ITGBL1: variants seen among roughly 807,000 people sequenced by gnomAD.
ITGBL1 encodes the protein integrin beta-like protein 1.
A neutral mutation model predicts 68.5 loss-of-function variants in ITGBL1; 51 were observed. The observed-to-expected ratio is 0.74, with a 90% CI of 0.59 to 0.94. The LOEUF is 0.94. Ranked by LOEUF, ITGBL1 falls within the 40% of genes least tolerant of loss-of-function variation. ITGBL1 has a pLI of 0.00. For synonymous variants in ITGBL1, 209 were observed against 227.3 expected (o/e 0.92, Z 0.72); for missense variants, 649 against 647.4 (o/e 1.00, Z -0.03).
chr13:101,690,510 C>G (rs779807145), intron 7 of ITGBL1, among the ~76,000 whole-genome samples: 2 of 152,168 alleles, frequency 1.3e-5, no homozygotes, highest in Non-Finnish European at 2.9e-5. Context: ...CTTCCCACAT[C>G]TGTGTGTGAA....
intron 7 of ITGBL1, among the ~76,000 whole-genome samples, chr13:101,609,064 G>T (rs2031006854): frequency 6.6e-6 from 1 of 151,882 alleles, no homozygotes; most frequent in Non-Finnish European, 1.5e-5. Context: ...CCACTATTAT[G>T]GGTTGTATAT....
At chr13:101,624,949 T>C (rs1183494945) in intron 7 of ITGBL1, among the ~76,000 whole-genome samples, 3 of 152,198 alleles carry the variant, frequency 2.0e-5, no homozygotes, top group African/African-American at 7.2e-5. Context: ...GCGGTACAGC[T>C]TTCCATGGAG....
At chr13:101,621,883 A>G (rs2031598589) in intron 7 of ITGBL1, among the ~76,000 whole-genome samples, 1 of 152,166 alleles carries the variant, frequency 6.6e-6, no homozygotes, top group African/African-American at 2.4e-5. Context: ...GGATCAGACA[A>G]GGAAATAAGC....
chr13:101,489,116 G>A (rs781680693), intron 2 of ITGBL1, among the ~76,000 whole-genome samples: 5 of 152,188 alleles, frequency 3.3e-5, no homozygotes, highest in Admixed American at 6.5e-5. Flanking sequence ...ACTGTAATGA[G>A]TGGCTAGATT....
chr13:101,632,728 T>C (rs2032027656), intron 7 of ITGBL1, among the ~76,000 whole-genome samples: 1 of 152,238 alleles, frequency 6.6e-6, no homozygotes, highest in South Asian at 2.1e-4. Flanking sequence ...GGGTGAAAGA[T>C]ACACATTTTC....
In ITGBL1 at chr13:101,567,693, C is replaced by T; in HGVS notation, c.317-6C>T. 1 of 1,612,028 alleles carries T rather than the reference C, an allele frequency of 6.2e-7. No individual in the cohort carries two copies. The highest frequency in any genetic ancestry group is 8.5e-7 in the Non-Finnish European group (1 of 1,178,844). ...TGAGTCTGACTAGATGTTGTTCAAT[C>T]CCCAGGCCATGGTAAGTGTGACTGT... On this transcript the variant is annotated splice_region_variant and splice_polypyrimidine_tract_variant and intron_variant, in intron 2 of 10. Transcript: ENST00000376180.
intron 5 of ITGBL1, 121 bp downstream of exon 5, chr13:101,579,548 T>A: frequency 1.0e-6 from 1 of 1,000,634 alleles, no homozygotes; most frequent in Non-Finnish European, 1.4e-6. Context: ...CCATTTACTT[T>A]GATGTAAATC....
intron 2 of ITGBL1, among the ~76,000 whole-genome samples, chr13:101,507,747 A>C (rs574000196): frequency 6.6e-6 from 1 of 152,300 alleles, no homozygotes; most frequent in South Asian, 2.1e-4. Context: ...CTTTAAGGCA[A>C]AATAGATATA....
At chr13:101,696,011 G>A (rs2033992901) in intron 8 of ITGBL1, among the ~76,000 whole-genome samples, 1 of 152,130 alleles carries the variant, frequency 6.6e-6, no homozygotes, top group African/African-American at 2.4e-5. Context: ...GAAAGATTTT[G>A]GCTCCTGTTG....
intron 7 of ITGBL1, among the ~76,000 whole-genome samples, chr13:101,599,844 G>A (rs2139330070): frequency 6.6e-6 from 1 of 152,262 alleles, no homozygotes; most frequent in African/African-American, 2.4e-5. Context: ...CTGTAGCCTT[G>A]TAGTATAGTT....
chr13:101,482,782 G>A (rs2048644531), intron 2 of ITGBL1, among the ~76,000 whole-genome samples: 1 of 152,100 alleles, frequency 6.6e-6, no homozygotes, highest in Admixed American at 6.5e-5. Context: ...CCAAGGGTGT[G>A]TAAGGAAAAA....
At chr13:101,455,345 C>A (rs2048228777) in intron 2 of ITGBL1, among the ~76,000 whole-genome samples, 1 of 152,124 alleles carries the variant, frequency 6.6e-6, no homozygotes, top group African/African-American at 2.4e-5. Context: ...GATTTGTTTT[C>A]CCTGTGAAGG....
chr13:101,646,180 G>A (rs2139441413), intron 7 of ITGBL1, among the ~76,000 whole-genome samples: 1 of 152,250 alleles, frequency 6.6e-6, no homozygotes, highest in Admixed American at 6.5e-5. Context: ...TTTGAGGACA[G>A]TATGCTTCTT....
At chr13:101,600,967 A>T (rs912101343) in intron 7 of ITGBL1, among the ~76,000 whole-genome samples, 1 of 152,178 alleles carries the variant, frequency 6.6e-6, no homozygotes, top group African/African-American at 2.4e-5. Flanking sequence ...TGAGTTAGGG[A>T]GGATTCCCTC....
chr13:101,719,232 A>G (rs1255885381), downstream of ITGBL1: 1 of 152,126 alleles, frequency 6.6e-6, no homozygotes, highest in Non-Finnish European at 1.5e-5. Flanking sequence ...CAAATCTGAT[A>G]TTGTTCATCC....
chr13:101,629,172 T>C (rs2031894528), intron 7 of ITGBL1, among the ~76,000 whole-genome samples: 1 of 152,178 alleles, frequency 6.6e-6, no homozygotes, highest in Non-Finnish European at 1.5e-5. Flanking sequence ...TACATTTTAT[T>C]CTTCTTCATT....
chr13:101,500,524 C>G (rs907790869), intron 2 of ITGBL1, among the ~76,000 whole-genome samples: 4 of 152,128 alleles, frequency 2.6e-5, no homozygotes, highest in Non-Finnish European at 5.9e-5. Flanking sequence ...ATTATTCTTT[C>G]AAATTACATG....
intron 2 of ITGBL1, among the ~76,000 whole-genome samples, chr13:101,554,365 C>T (rs1594887146): frequency 6.6e-6 from 1 of 152,140 alleles, no homozygotes; most frequent in Non-Finnish European, 1.5e-5. Context: ...GTAAACTGTT[C>T]ACAGTTCACA....
intron 2 of ITGBL1, among the ~76,000 whole-genome samples, chr13:101,523,529 C>T (rs875117): frequency 0.74 from 112,291 of 152,116 alleles, 41,458 homozygotes; most frequent in South Asian, 0.79. Context: ...CCTTCTGCTC[C>T]GGAGTAATGC....
Sources: allele counts gnomAD v4.1 joint callset (sites outside exome capture counted in the v4.1 genomes callset), GRCh38; gene constraint gnomAD v4.1.1; transcripts MANE v1.5; gene names NCBI Gene and HGNC (gene_info 2026-07-23, HGNC 2026-07-21).